The following HRH1 variants were observed in gnomAD, a reference collection of about 807,000 sequenced individuals.
The protein encoded by HRH1 is histamine H1 receptor.
Under a neutral mutation model 10.3 loss-of-function variants are expected in HRH1, and 6 were observed. That is an observed-to-expected ratio of 0.58 (90% CI 0.32 to 1.15). The LOEUF (loss-of-function observed/expected upper bound fraction) is 1.15. Ranked by LOEUF, HRH1 falls within the 50% of genes most tolerant of loss-of-function variation. The pLI is 0.05. For synonymous variants in HRH1, 242 were observed against 236.7 expected, an observed-to-expected ratio of 1.02 and a Z score of -0.21; for missense variants, 514 against 615.3, an observed-to-expected ratio of 0.84 and a Z score of 1.74.
chr3:11,197,431 T>C (rs1937705933), intron 1 of HRH1, among the ~76,000 whole-genome samples: 1 of 152,162 alleles, frequency 6.6e-6, no homozygotes, highest in African/African-American at 2.4e-5. Context: ...TTTCTTCCCC[T>C]AAAATTATCC....
At chr3:11,182,856 G>A (rs1937383863) in intron 1 of HRH1, among the ~76,000 whole-genome samples, 3 of 152,230 alleles carry the variant, frequency 2.0e-5, no homozygotes. Context: ...GACAGAATCA[G>A]TATCAAACCC....
intron 1 of HRH1, among the ~76,000 whole-genome samples, chr3:11,216,417 A>C (rs752877509): frequency 6.6e-6 from 1 of 152,242 alleles, no homozygotes; most frequent in East Asian, 1.9e-4. Flanking sequence ...TGGCGTATTC[A>C]TACAATAAAA....
At chr3:11,154,346 C>T (rs1181151444), upstream of HRH1, among the ~76,000 whole-genome samples, 1 of 151,586 alleles carries the variant, frequency 6.6e-6, no homozygotes, top group African/African-American at 2.4e-5. The surrounding 1 kb of genome is among the most constrained non-coding windows in gnomAD (Gnocchi z 4.4). Context: ...GCCCTGGGCG[C>T]GTGGAACCGG....
At chr3:11,158,539 GTATT>G (rs1265563142) in intron 1 of HRH1, among the ~76,000 whole-genome samples, 1 of 152,146 alleles carries the variant, frequency 6.6e-6, no homozygotes, top group Non-Finnish European at 1.5e-5. Flanking sequence ...GGAAGGTGTA[GTATT>G]TAGTCTTCCA....
chr3:11,166,690 A>T (rs1269203220), intron 1 of HRH1, among the ~76,000 whole-genome samples: 10 of 143,358 alleles, frequency 7.0e-5, no homozygotes, highest in Non-Finnish European at 1.3e-4. Context: ...GGCCCGTGAC[A>T]TCTGCTGTCC....
At chr3:11,169,985 C>T (rs749943847) in intron 1 of HRH1, among the ~76,000 whole-genome samples, 5 of 152,174 alleles carry the variant, frequency 3.3e-5, no homozygotes, top group South Asian at 2.1e-4. Flanking sequence ...CCACAGTGTG[C>T]GACCCTTGTT....
Position 11,234,301 on chromosome 3 carries a change from T to C in HRH1, c.-35-24702T>C, listed in dbSNP as rs1939116614. The stretch of plus-strand genomic sequence containing the variant: ...TGGTTGCAGTGGCCTCAGTGGGAGC[T>C]GTTTCTTCTGCTTGTTCTGCTGGCT... On this transcript the variant is annotated intron_variant, in intron 1 of 1. Coordinates refer to ENST00000431010, the MANE Select transcript of HRH1 (RefSeq NM_001098212.2). The C allele has an allele frequency of 1.9e-6, 3 of 1,571,718 alleles. No individual in the cohort carries two copies. The Admixed American group carries it at 5.2e-5, about 27-fold the overall frequency.
At chr3:11,258,864 G>A (rs193182470) in intron 1 of HRH1, 139 bp from the exon 2 acceptor site, 67 of 585,958 alleles carry the variant, frequency 1.1e-4, no homozygotes, top group African/African-American at 9.4e-4. Context: ...AAGGAAAAGG[G>A]TACATGGCTA....
At chr3:11,145,075 C>G (rs1262901972) in intron 1 of HRH1, among the ~76,000 whole-genome samples, 1 of 152,178 alleles carries the variant, frequency 6.6e-6, no homozygotes, top group South Asian at 2.1e-4. Context: ...ATGGCCGCTG[C>G]GCTAGTTCAG....
chr3:11,157,489 A>T (rs566773777), intron 1 of HRH1, among the ~76,000 whole-genome samples: 2 of 152,220 alleles, frequency 1.3e-5, no homozygotes, highest in African/African-American at 4.8e-5. Context: ...GCATTTCTGA[A>T]TCTCGGGATG....
At chr3:11,189,773 T>A (rs1031840013) in intron 1 of HRH1, among the ~76,000 whole-genome samples, 11 of 149,526 alleles carry the variant, frequency 7.4e-5, no homozygotes, top group African/African-American at 1.7e-4. Context: ...AAAAAATAAA[T>A]AAATAAAATA....
intron 1 of HRH1, among the ~76,000 whole-genome samples, chr3:11,149,330 T>C (rs1230121343): frequency 6.6e-6 from 1 of 152,246 alleles, no homozygotes; most frequent in Non-Finnish European, 1.5e-5. Flanking sequence ...TGCATATAAA[T>C]AGAAGCCCAC....
At chr3:11,194,022 A>G (rs1937596398) in intron 1 of HRH1, among the ~76,000 whole-genome samples, 1 of 152,186 alleles carries the variant, frequency 6.6e-6, no homozygotes, top group Non-Finnish European at 1.5e-5. Flanking sequence ...AATAAAAATG[A>G]TGTTGCTGGT....
At chr3:11,181,825 G>A (rs962369700) in intron 1 of HRH1, among the ~76,000 whole-genome samples, 10 of 151,864 alleles carry the variant, frequency 6.6e-5, no homozygotes, top group African/African-American at 2.4e-4. Context: ...TAGAGACAGG[G>A]TTTCACCATG....
intron 1 of HRH1, among the ~76,000 whole-genome samples, chr3:11,146,529 A>G (rs139816874): frequency 1.1e-4 from 17 of 152,298 alleles, no homozygotes; most frequent in Admixed American, 7.2e-4. Context: ...CTGAAACTAA[A>G]GAAGTGTTTC....
chr3:11,190,285 G>A (rs1937514434), intron 1 of HRH1, among the ~76,000 whole-genome samples: 1 of 152,084 alleles, frequency 6.6e-6, no homozygotes, highest in Non-Finnish European at 1.5e-5. Flanking sequence ...GCCAAGGCGG[G>A]AGGATTGTTT....
At chr3:11,146,173 G>A (rs555572026) in intron 1 of HRH1, among the ~76,000 whole-genome samples, 8 of 152,180 alleles carry the variant, frequency 5.3e-5, no homozygotes, top group Admixed American at 6.5e-5. Flanking sequence ...CATCAGTCAC[G>A]TATGAGTTCC....
intron 1 of HRH1, among the ~76,000 whole-genome samples, chr3:11,254,026 T>A: frequency 6.6e-6 from 1 of 152,170 alleles, no homozygotes; most frequent in East Asian, 1.9e-4. Flanking sequence ...CTTTTTCTTG[T>A]GTTTGGTCCT....
intron 1 of HRH1, among the ~76,000 whole-genome samples, chr3:11,200,954 A>G (rs368318115): frequency 6.6e-6 from 1 of 152,302 alleles, no homozygotes. Context: ...CCCTTCCATT[A>G]AGATGCTGAG....
Sources: gnomAD v4.1 joint callset for allele counts (sites outside exome capture counted in the v4.1 genomes callset) on GRCh38, gnomAD v4.1.1 for gene constraint, Gnocchi (gnomAD v3.1) non-coding constraint, MANE v1.5 for transcripts, NCBI Gene and HGNC (gene_info 2026-07-23, HGNC 2026-07-21) for gene names.